The following ZMAT4 variants were observed in gnomAD, a reference collection of about 807,000 sequenced individuals.
ZMAT4 encodes the protein zinc finger matrin-type 4.
In ZMAT4, 17 loss-of-function variants were observed where a neutral mutation model predicts 28.7. The observed-to-expected ratio is 0.59, with a 90% confidence interval of 0.41 to 0.89. The LOEUF is 0.89. Among genes scored for constraint, ZMAT4 ranks in the 40% least tolerant of loss-of-function variants. The probability of loss-of-function intolerance (pLI) is 0.00; values close to 1 mark genes in which losing one functional copy is unlikely to be tolerated. For synonymous variants in ZMAT4, 117 were observed against 109.2 expected, an observed-to-expected ratio of 1.07 and a Z score of -0.44; for missense variants, 240 against 283.8, an observed-to-expected ratio of 0.85 and a Z score of 1.11.
chr8:40,604,825 G>C (rs1047409706), intron 5 of ZMAT4, among the ~76,000 whole-genome samples: 1 of 152,156 alleles, frequency 6.6e-6, no homozygotes, highest in Non-Finnish European at 1.5e-5. Flanking sequence ...ATGTCTAATA[G>C]AATTCAGCTG....
intron 5 of ZMAT4, among the ~76,000 whole-genome samples, chr8:40,604,541 G>A (rs543756974): frequency 8.5e-5 from 13 of 152,122 alleles, no homozygotes; most frequent in East Asian, 5.8e-4. Flanking sequence ...TGCATATGTC[G>A]AACCATCCCT....
At chr8:40,675,386 G>C (rs184177907) in intron 4 of ZMAT4, among the ~76,000 whole-genome samples, 1 of 151,646 alleles carries the variant, frequency 6.6e-6, no homozygotes, top group African/African-American at 2.4e-5. Context: ...GTAAAATACA[G>C]GGGACAAGCT....
chr8:40,778,104 CAGAGCAATAAT>C (rs1192967430), intron 2 of ZMAT4, among the ~76,000 whole-genome samples: 3 of 152,112 alleles, frequency 2.0e-5, no homozygotes, highest in Non-Finnish European at 2.9e-5. Flanking sequence ...TCGCTTTAAA[CAGAGCAATAAT>C]AGAAGAAAAA....
intron 2 of ZMAT4, among the ~76,000 whole-genome samples, chr8:40,781,318 G>A (rs1376576958): frequency 2.6e-5 from 4 of 152,130 alleles, no homozygotes; most frequent in African/African-American, 7.2e-5. Flanking sequence ...TAAAACTCAC[G>A]TGGACTCAGA....
chr8:40,564,880 G>A (rs777742363), intron 6 of ZMAT4, among the ~76,000 whole-genome samples: 2 of 152,078 alleles, frequency 1.3e-5, no homozygotes, highest in Non-Finnish European at 2.9e-5. Context: ...CTTACTTCAA[G>A]GTTAAAAGAA....
At chr8:40,573,242 A>G (rs1376441661) in intron 6 of ZMAT4, among the ~76,000 whole-genome samples, 2 of 152,144 alleles carry the variant, frequency 1.3e-5, no homozygotes, top group African/African-American at 4.8e-5. Context: ...TAATGTGGGT[A>G]GTTTACAGCA....
chr8:40,709,680 T>G (rs1006568527), intron 3 of ZMAT4, among the ~76,000 whole-genome samples: 1 of 152,212 alleles, frequency 6.6e-6, no homozygotes, highest in Non-Finnish European at 1.5e-5. Context: ...GTCTCTGATG[T>G]GCCTACTAGA....
At chr8:40,827,799 C>T (rs927401189) in intron 1 of ZMAT4, among the ~76,000 whole-genome samples, 1 of 152,212 alleles carries the variant, frequency 6.6e-6, no homozygotes, top group South Asian at 2.1e-4. Context: ...CCTCCTCCCC[C>T]ACAAGGCAAC....
At chr8:40,601,438 AAGGAAGGAAGGAAGGAAGGGAGG>A (rs1805308157) in intron 5 of ZMAT4, among the ~76,000 whole-genome samples, 2 of 115,254 alleles carry the variant, frequency 1.7e-5, no homozygotes, top group Non-Finnish European at 3.5e-5. Context: ...GGAAGGAAGG[AAGGAAGGAAGGAAGGAAGGGAGG>A]AAGAAAGGAA....
intron 4 of ZMAT4, among the ~76,000 whole-genome samples, chr8:40,695,922 A>G (rs1179142071): frequency 6.6e-6 from 1 of 152,068 alleles, no homozygotes; most frequent in African/African-American, 2.4e-5. Context: ...CAGCAGAGAG[A>G]ACAAATGGAC....
At chr8:40,759,390 T>C (rs144683976) in intron 3 of ZMAT4, among the ~76,000 whole-genome samples, 95 of 151,994 alleles carry the variant, frequency 6.3e-4, no homozygotes, top group Middle Eastern at 3.4e-3. Flanking sequence ...GGTCATAAGA[T>C]AGTATTACCT....
chr8:40,652,979 T>C (rs1807748766), intron 5 of ZMAT4, among the ~76,000 whole-genome samples: 1 of 151,244 alleles, frequency 6.6e-6, no homozygotes, highest in Non-Finnish European at 1.5e-5. Context: ...ATATACCTAA[T>C]GTTAGATGAC....
At chr8:40,661,259 C>G (rs1585838088) in intron 5 of ZMAT4, among the ~76,000 whole-genome samples, 2 of 152,128 alleles carry the variant, frequency 1.3e-5, no homozygotes, top group East Asian at 3.9e-4. Context: ...CACACTATAC[C>G]CGGCTAATTT....
intron 3 of ZMAT4, among the ~76,000 whole-genome samples, chr8:40,710,874 G>A (rs1046357990): frequency 4.0e-5 from 6 of 151,838 alleles, no homozygotes; most frequent in African/African-American, 4.8e-5. Flanking sequence ...TCCACCTCCC[G>A]GGTTCAAGCG....
At chr8:40,685,442 C>T (rs1237019219) in intron 4 of ZMAT4, among the ~76,000 whole-genome samples, 1 of 152,104 alleles carries the variant, frequency 6.6e-6, no homozygotes, top group African/African-American at 2.4e-5. Context: ...CAAATTCAGT[C>T]CCTAGGGGAG....
At chr8:40,712,654 A>C (rs114319887) in intron 3 of ZMAT4, among the ~76,000 whole-genome samples, 26 of 152,216 alleles carry the variant, frequency 1.7e-4, no homozygotes, top group Non-Finnish European at 3.5e-4. Context: ...ATGGGCAGAC[A>C]GGGAAGCTCC....
At chr8:40,651,416 G>A (rs950018940) in intron 5 of ZMAT4, among the ~76,000 whole-genome samples, 2 of 151,350 alleles carry the variant, frequency 1.3e-5, no homozygotes, top group Non-Finnish European at 2.9e-5. Flanking sequence ...CACTGCTCAA[G>A]GAAATAAAAG....
At chr8:40,648,822 C>T (rs1246035811) in intron 5 of ZMAT4, among the ~76,000 whole-genome samples, 1 of 121,892 alleles carries the variant, frequency 8.2e-6, no homozygotes, top group Non-Finnish European at 1.8e-5. Flanking sequence ...TCCAGCCAAA[C>T]TAAGCTTCAT....
intron 6 of ZMAT4, among the ~76,000 whole-genome samples, chr8:40,547,372 C>T (rs1390541492): frequency 6.6e-6 from 1 of 152,166 alleles, no homozygotes; most frequent in African/African-American, 2.4e-5. Context: ...AGCAGCAGCT[C>T]GCTGTTAAGA....
Sources: gnomAD v4.1 joint callset for allele counts (sites outside exome capture counted in the v4.1 genomes callset) on GRCh38, gnomAD v4.1.1 for gene constraint, MANE v1.5 for transcripts, NCBI Gene and HGNC (gene_info 2026-07-23, HGNC 2026-07-21) for gene names.